The following GCH1 variants were observed in gnomAD, a reference collection of about 807,000 sequenced individuals.
GCH1 encodes GTP cyclohydrolase I.
GCH1 carries 5 observed loss-of-function variants against 25.9 expected under a neutral mutation model. That is an observed-to-expected ratio of 0.19 (90% CI 0.10 to 0.41). The LOEUF (loss-of-function observed/expected upper bound fraction) is 0.41. GCH1 is among the 10% of genes least tolerant of loss of function. GCH1 has a pLI of 1.00. For synonymous variants in GCH1, 159 were observed against 129.6 expected, an observed-to-expected ratio of 1.23 and a Z score of -1.54; for missense variants, 261 against 336.5, an observed-to-expected ratio of 0.78 and a Z score of 1.75.
Position 54,893,451 on chromosome 14 carries a change from G to A in GCH1, c.343+8870C>T, listed in dbSNP as rs554744699. ...AATGAGTCAGGTGGGGAATGCCCAG[G>A]CATGGAAGGGTTTCTAGAGGTGGAC... On this transcript the variant is annotated intron_variant, in intron 1 of 5. Transcript: ENST00000491895. Among the ~76,000 whole-genome samples the A allele has an allele frequency of 2.4e-3, 371 of 152,256 alleles. 2 individuals carry two copies. The highest frequency in any genetic ancestry group is 8.5e-3 in the African/African-American group (354 of 41,552).
intron 1 of GCH1, among the ~76,000 whole-genome samples, chr14:54,878,936 T>C (rs1210147868): frequency 6.6e-6 from 1 of 152,086 alleles, no homozygotes; most frequent in Non-Finnish European, 1.5e-5. Flanking sequence ...TAATTTTTTA[T>C]TTTTTTGTAG....
At chr14:54,894,189 G>A (rs914885733) in intron 1 of GCH1, among the ~76,000 whole-genome samples, 2 of 152,166 alleles carry the variant, frequency 1.3e-5, no homozygotes, top group Non-Finnish European at 2.9e-5. Flanking sequence ...ACTTTATTTG[G>A]AAGTAGGGTT....
chr14:54,872,100 A>AT lies in GCH1; in HGVS notation c.344-6665_344-6664insA, dbSNP rs1482277195. Among the ~76,000 whole-genome samples, 14 of 152,324 alleles carry AT rather than the reference A, an allele frequency of 9.2e-5. No homozygotes were observed. In the East Asian group the frequency reaches 2.7e-3, roughly 29 times the overall value. On this transcript the variant is annotated intron_variant, in intron 1 of 5. Coordinates refer to ENST00000491895, the MANE Select transcript of GCH1 (RefSeq NM_000161.3). ...AAATGTTAAGGGCAGCCAGAGAGAA[A>AT]GGTCAGGTTACCCACAAAGGGAAGC...
At position 54,880,839 on chromosome 14, in the gene GCH1, TATATACTCCATATATATATACTCC is replaced by T. The variant is rs1566677375; in HGVS notation, c.344-15427_344-15404del. On this transcript the variant is annotated intron_variant, in intron 1 of 5. Coordinates refer to ENST00000491895, the MANE Select transcript of GCH1 (RefSeq NM_000161.3). The stretch of plus-strand genomic sequence containing the variant: ...TATATATATATATACTCCATATATA[TATATACTCCATATATATATACTCC>T]ATAATATATGGAGTGTAATGCTGCA... 2.0e-3 allele frequency among the ~76,000 whole-genome samples: 199 copies of T among 100,692 alleles called. 31 individuals carry two copies. Among genetic ancestry groups the T allele is most frequent in the African/African-American group, 6.2e-3 (113 of 18,120 alleles). 66.1% of individuals were successfully genotyped at this position (100,692 alleles called of 152,430 possible).
chr14:54,880,848 C>CATATATATAT (rs199678312), intron 1 of GCH1, among the ~76,000 whole-genome samples: 3 of 63,726 alleles, frequency 4.7e-5, no homozygotes, highest in African/African-American at 1.9e-4. Flanking sequence ...ATATATACTC[C>CATATATATAT]ATATATATAT....
chr14:54,873,179 G>C (rs2040106510), intron 1 of GCH1, among the ~76,000 whole-genome samples: 1 of 152,062 alleles, frequency 6.6e-6, no homozygotes, highest in Non-Finnish European at 1.5e-5. Flanking sequence ...TAGAACTCAG[G>C]ATTAATAAAT....
intron 1 of GCH1, among the ~76,000 whole-genome samples, chr14:54,867,589 C>CAAAAAA (rs1029899399): frequency 0.14 from 6,543 of 46,574 alleles, 895 homozygotes; most frequent in East Asian, 0.33. Flanking sequence ...GACTCCGTCT[C>CAAAAAA]AAAAAAAAAA....
intron 1 of GCH1, among the ~76,000 whole-genome samples, chr14:54,900,503 G>A (rs2040549986): frequency 6.6e-6 from 1 of 152,150 alleles, no homozygotes; most frequent in South Asian, 2.1e-4. Context: ...TGAGCACCGA[G>A]CTCGGCCAAC....
At chr14:54,851,732 G>A (rs1566662448) in intron 3 of GCH1, among the ~76,000 whole-genome samples, 1 of 152,164 alleles carries the variant, frequency 6.6e-6, no homozygotes, top group Non-Finnish European at 1.5e-5. Context: ...AACAGGTGCT[G>A]GAGAGGATGT....
At chr14:54,900,934 T>C (rs1375004623) in intron 1 of GCH1, among the ~76,000 whole-genome samples, 1 of 149,754 alleles carries the variant, frequency 6.7e-6, no homozygotes, top group Non-Finnish European at 1.5e-5. Flanking sequence ...CACAGAAAAC[T>C]GAAAGTTTAT....
chr14:54,888,611 C>T (rs916500706), intron 1 of GCH1, among the ~76,000 whole-genome samples: 10 of 151,574 alleles, frequency 6.6e-5, no homozygotes, highest in Admixed American at 1.3e-4. Context: ...CTCCCGGGTT[C>T]ACACCATTCA....
intron 1 of GCH1, among the ~76,000 whole-genome samples, chr14:54,873,514 T>C (rs974139180): frequency 2.3e-4 from 35 of 149,986 alleles, no homozygotes; most frequent in Middle Eastern, 3.2e-3. Context: ...CTGAAGGAGA[T>C]AGAGACACAA....
chr14:54,861,965 A>T (rs1225677562), intron 2 of GCH1, among the ~76,000 whole-genome samples: 1 of 152,082 alleles, frequency 6.6e-6, no homozygotes, highest in Non-Finnish European at 1.5e-5. Flanking sequence ...CTTCATTATC[A>T]ATTGCAGGAT....
At chr14:54,895,963 G>C (rs975028998) in intron 1 of GCH1, among the ~76,000 whole-genome samples, 1 of 152,284 alleles carries the variant, frequency 6.6e-6, no homozygotes, top group Non-Finnish European at 1.5e-5. Context: ...AGGTGCACAA[G>C]GAGACAGTCA....
At chr14:54,867,496 G>A (rs1372768027) in intron 1 of GCH1, among the ~76,000 whole-genome samples, 2 of 147,326 alleles carry the variant, frequency 1.4e-5, no homozygotes, top group Non-Finnish European at 3.0e-5. Flanking sequence ...GCTGAGACAG[G>A]AGAATTGCTT....
intron 2 of GCH1, among the ~76,000 whole-genome samples, 192 bp from the exon 3 acceptor site, chr14:54,859,928 A>T (rs1399924930): frequency 6.6e-6 from 1 of 152,244 alleles, no homozygotes; most frequent in Non-Finnish European, 1.5e-5. Context: ...AAAATTACAT[A>T]AATGCAGTAA....
At chr14:54,886,145 C>T (rs10136545) in intron 1 of GCH1, 63,781 of 157,192 alleles carry the variant, frequency 0.41, 13,953 homozygotes, top group African/African-American at 0.57. Context: ...ATCCTGACAA[C>T]CTGGGAGAAG....
chr14:54,861,300 T>C (rs186792954), intron 2 of GCH1, among the ~76,000 whole-genome samples: 2 of 152,166 alleles, frequency 1.3e-5, no homozygotes, highest in Admixed American at 6.5e-5. Context: ...AAAGAAAAAT[T>C]AGAGAGTTAA....
intron 1 of GCH1, among the ~76,000 whole-genome samples, chr14:54,871,891 A>G (rs958019467): frequency 7.9e-5 from 12 of 152,232 alleles, no homozygotes; most frequent in Admixed American, 7.2e-4. Context: ...TGAAAGTGAC[A>G]GGGAGAATGG....
Sources: allele counts gnomAD v4.1 joint callset (sites outside exome capture counted in the v4.1 genomes callset), GRCh38; gene constraint gnomAD v4.1.1; transcripts MANE v1.5; gene names NCBI Gene and HGNC (gene_info 2026-07-23, HGNC 2026-07-21).